The following RNLS variants were observed in gnomAD, a reference collection of about 807,000 sequenced individuals.
RNLS encodes the protein renalase.
Under a neutral mutation model 39.8 loss-of-function variants are expected in RNLS, and 39 were observed. The ratio of observed to expected loss-of-function variants is 0.98; its 90% confidence interval spans 0.76 to 1.28. RNLS has a LOEUF of 1.28. RNLS is among the 50% of genes most tolerant of loss of function. The pLI, the probability that RNLS is intolerant of heterozygous loss-of-function variation, is 0.00. For synonymous variants in RNLS, 147 were observed against 150.7 expected (o/e 0.98, Z 0.18); for missense variants, 410 against 413.3 (o/e 0.99, Z 0.07).
chr10:88,279,737 GAC>G (rs148441580), downstream of RNLS, among the ~76,000 whole-genome samples: 876 of 152,266 alleles, frequency 5.8e-3, 3 homozygotes, highest in Non-Finnish European at 8.5e-3. Flanking sequence ...TAAGAAAAAA[GAC>G]AACGTTCTTG....
At chr10:88,191,383 T>C in the RNLS span, among the ~76,000 whole-genome samples, 2 of 152,008 alleles carry the variant, frequency 1.3e-5, no homozygotes, top group East Asian at 1.9e-4. Flanking sequence ...TGTGTCTTTA[T>C]CTATTAATTT....
intron 4 of RNLS, among the ~76,000 whole-genome samples, chr10:88,528,845 T>C (rs1239507669): frequency 1.6e-5 from 2 of 123,334 alleles, no homozygotes; most frequent in South Asian, 2.7e-4. Flanking sequence ...AGTGCAAGAC[T>C]CCGTCTCAAA....
chr10:88,254,244 G>A, the RNLS span, among the ~76,000 whole-genome samples: 2 of 152,174 alleles, frequency 1.3e-5, no homozygotes, highest in African/African-American at 4.8e-5. Context: ...AGCCCCCAGG[G>A]CCATGGTGTA....
chr10:88,319,501 A>G (rs1270135693), intron 5 of RNLS, among the ~76,000 whole-genome samples: 1 of 152,136 alleles, frequency 6.6e-6, no homozygotes, highest in Non-Finnish European at 1.5e-5. Flanking sequence ...ATGAGATCCA[A>G]GAGAAAGTTG....
At chr10:88,436,264 G>A (rs1280511303) in intron 4 of RNLS, among the ~76,000 whole-genome samples, 1 of 152,158 alleles carries the variant, frequency 6.6e-6, no homozygotes, top group African/African-American at 2.4e-5. Flanking sequence ...ATGAGACCCA[G>A]GGGCTGGATG....
chr10:88,184,144 A>G, the RNLS span, among the ~76,000 whole-genome samples: 1 of 152,130 alleles, frequency 6.6e-6, no homozygotes, highest in Non-Finnish European at 1.5e-5. Flanking sequence ...GGTGTTCTTC[A>G]TCAGCACAGA....
At chr10:88,381,510 ATTT>A (rs1308348058) in intron 4 of RNLS, among the ~76,000 whole-genome samples, 4 of 151,680 alleles carry the variant, frequency 2.6e-5, no homozygotes, top group Non-Finnish European at 5.9e-5. Flanking sequence ...TATTAAAAGT[ATTT>A]TTTGTTTTTT....
At chr10:88,362,808 C>T (rs946343540) in intron 4 of RNLS, 83 bp from the exon 5 acceptor site, 1 of 1,260,812 alleles carries the variant, frequency 7.9e-7, no homozygotes, top group East Asian at 2.5e-5. Context: ...TCCTTTAAAC[C>T]AGTTACAACA....
chr10:88,476,487 T>C (rs1843829018), intron 4 of RNLS, among the ~76,000 whole-genome samples: 1 of 152,174 alleles, frequency 6.6e-6, no homozygotes, highest in Non-Finnish European at 1.5e-5. Flanking sequence ...ATGCATATTA[T>C]GAGGACGGGG....
At chr10:88,241,331 C>T in the RNLS span, among the ~76,000 whole-genome samples, 17 of 149,522 alleles carry the variant, frequency 1.1e-4, no homozygotes, top group Admixed American at 2.0e-4. Flanking sequence ...ATTTTTTCCT[C>T]GCTGGTTATA....
chr10:88,351,247 G>A (rs1848684697), intron 5 of RNLS, among the ~76,000 whole-genome samples: 1 of 152,098 alleles, frequency 6.6e-6, no homozygotes, highest in South Asian at 2.1e-4. Context: ...GATCCCATTT[G>A]TCAATTTTGG....
intron 6 of RNLS, among the ~76,000 whole-genome samples, chr10:88,287,255 T>C (rs1564662405): frequency 6.6e-6 from 1 of 152,182 alleles, no homozygotes; most frequent in Non-Finnish European, 1.5e-5. Context: ...AAGTGAAATA[T>C]TAAGAGTATC....
intron 1 of RNLS, 28 bp downstream of exon 1, chr10:88,583,045 C>T (rs904272493): frequency 6.2e-7 from 1 of 1,603,330 alleles, no homozygotes; most frequent in Admixed American, 1.7e-5. Context: ...GTCCTCTTTT[C>T]CCAGGTTTTG....
the RNLS span, among the ~76,000 whole-genome samples, chr10:88,204,290 C>T: frequency 2.6e-5 from 4 of 152,098 alleles, no homozygotes; most frequent in African/African-American, 7.2e-5. Context: ...TACAGATAAG[C>T]GTCGTTCAAA....
At chr10:88,491,564 T>C (rs892674068) in intron 4 of RNLS, among the ~76,000 whole-genome samples, 9 of 152,164 alleles carry the variant, frequency 5.9e-5, no homozygotes, top group South Asian at 2.1e-4. Flanking sequence ...GTTTCCATTG[T>C]CTCTTGAATA....
intron 4 of RNLS, among the ~76,000 whole-genome samples, chr10:88,513,260 C>G (rs1478275513): frequency 6.6e-6 from 1 of 152,066 alleles, no homozygotes; most frequent in Admixed American, 6.6e-5. Flanking sequence ...ATCTTGCAGA[C>G]CCTTCCCTAT....
chr10:88,202,094 T>G, the RNLS span, among the ~76,000 whole-genome samples: 1 of 151,948 alleles, frequency 6.6e-6, no homozygotes, highest in East Asian at 1.9e-4. Flanking sequence ...GTGGCACATA[T>G]ACACCATGGA....
chr10:88,415,925 T>C (rs1057434510), intron 4 of RNLS, among the ~76,000 whole-genome samples: 2 of 152,206 alleles, frequency 1.3e-5, no homozygotes, highest in Non-Finnish European at 2.9e-5. Context: ...TGATCTGACT[T>C]CTGAACTCTT....
At chr10:88,489,137 G>T (rs1218570673) in intron 4 of RNLS, among the ~76,000 whole-genome samples, 2 of 152,028 alleles carry the variant, frequency 1.3e-5, no homozygotes, top group African/African-American at 4.8e-5. Context: ...ATTTAAAAAA[G>T]AAAAAAGAGA....
Sources: allele counts gnomAD v4.1 joint callset (sites outside exome capture counted in the v4.1 genomes callset), GRCh38; gene constraint gnomAD v4.1.1; transcripts MANE v1.5; gene names NCBI Gene and HGNC (gene_info 2026-07-23, HGNC 2026-07-21).